PAX2: variants seen among roughly 807,000 people sequenced by gnomAD.
The protein encoded by PAX2 is paired box 2.
A neutral mutation model predicts 41.7 loss-of-function variants in PAX2; 9 were observed. That is an observed-to-expected ratio of 0.22 (90% CI 0.13 to 0.38). The LOEUF is 0.38. Ranked by LOEUF, PAX2 falls within the 10% of genes least tolerant of loss-of-function variation. The pLI, the probability that PAX2 is intolerant of heterozygous loss-of-function variation, is 1.00. For missense variants in PAX2, 418 were observed against 531.6 expected, an observed-to-expected ratio of 0.79 and a Z score of 2.10; for synonymous variants, 221 against 212.7, an observed-to-expected ratio of 1.04 and a Z score of -0.34.
At chr10:100,785,799 G>A (rs887466826) in intron 5 of PAX2, among the ~76,000 whole-genome samples, 1 of 152,196 alleles carries the variant, frequency 6.6e-6, no homozygotes, top group Non-Finnish European at 1.5e-5. Context: ...CCCTAGAGCA[G>A]GGCATGGATG....
At chr10:100,754,885 G>A (rs2133845266) in intron 3 of PAX2, among the ~76,000 whole-genome samples, 1 of 152,306 alleles carries the variant, frequency 6.6e-6, no homozygotes, top group Non-Finnish European at 1.5e-5. Flanking sequence ...CTGTTTGGTG[G>A]TCAGGGCTGT....
chr10:100,767,283 G>T (rs1463202351), intron 3 of PAX2, among the ~76,000 whole-genome samples: 2 of 152,184 alleles, frequency 1.3e-5, no homozygotes, highest in Non-Finnish European at 2.9e-5. Flanking sequence ...GCACGATGCA[G>T]CCTGCCAGAA....
intron 1 of PAX2, among the ~76,000 whole-genome samples, chr10:100,736,670 T>G (rs541721448): frequency 6.6e-6 from 1 of 151,760 alleles, no homozygotes; most frequent in African/African-American, 2.4e-5. Context: ...TTGATCTAGC[T>G]TCTCGACCCA....
At chr10:100,810,021 T>C (rs1199253599) in intron 7 of PAX2, among the ~76,000 whole-genome samples, 1 of 152,020 alleles carries the variant, frequency 6.6e-6, no homozygotes, top group East Asian at 1.9e-4. Context: ...GAGACACGCA[T>C]TGAGGTGTTA....
chr10:100,738,978 TC>T (rs1844857847), intron 1 of PAX2, among the ~76,000 whole-genome samples: 1 of 150,270 alleles, frequency 6.7e-6, no homozygotes, highest in South Asian at 2.1e-4. Flanking sequence ...CTTCCCCCTT[TC>T]CCCGAGGGCC....
At chr10:100,788,185 A>C (rs1846949038) in intron 5 of PAX2, among the ~76,000 whole-genome samples, 1 of 152,230 alleles carries the variant, frequency 6.6e-6, no homozygotes, top group African/African-American at 2.4e-5. Context: ...CTTTACTGCT[A>C]GTCTGTGCTG....
At position 100,786,932 on chromosome 10, in the gene PAX2, A is replaced by T. The variant is rs370441203; in HGVS notation, c.616+5567A>T. On this transcript the variant is annotated intron_variant, in intron 5 of 9. Coordinates refer to ENST00000355243, the MANE Select transcript of PAX2 (RefSeq NM_000278.5). The stretch of plus-strand genomic sequence containing the variant: ...ATCTCTCAGTGTTTGTCTGTCTCTT[A>T]TTTGCTCTAGTTGAGGTATACACTG... 2.2e-6 allele frequency: 3 copies of T among 1,377,250 alleles called. No homozygotes were observed. In the African/African-American group the frequency reaches 4.4e-5, roughly 20 times the overall value. 85.3% of individuals were successfully genotyped at this position (1,377,250 alleles called of 1,614,324 possible).
intron 1 of PAX2, chr10:100,749,055 A>G (rs562980888): frequency 1.0e-6 from 1 of 985,432 alleles, no homozygotes; most frequent in African/African-American, 1.7e-5. Flanking sequence ...TCCTTGCTCT[A>G]CTTCAGATAC....
chr10:100,758,930 C>T (rs764730682), intron 3 of PAX2, among the ~76,000 whole-genome samples: 3 of 152,078 alleles, frequency 2.0e-5, no homozygotes, highest in South Asian at 2.1e-4. Context: ...TCCCTATAGC[C>T]GGAGGAGGAG....
chr10:100,797,567 G>A (rs1184669967), intron 5 of PAX2, among the ~76,000 whole-genome samples: 1 of 152,208 alleles, frequency 6.6e-6, no homozygotes, highest in Non-Finnish European at 1.5e-5. Flanking sequence ...AATGTTAGTT[G>A]CTGTTATTGT....
rs1848616484 is a variant in PAX2, at chr10:100,827,488, TG to T, written c.1109-54del. On this transcript the variant is annotated intron_variant, in intron 9 of 9. Transcript: ENST00000355243. This position sits in a 1 kb window ranked among gnomAD's most constrained non-coding sequence, Gnocchi z 8.5. ...TTTTCTGTGCTTTTCTTTCCTTTTTTGTTCTCCTGTTTGTCCTCTCACCCAG... is the reference window on the plus strand; with the variant it reads ...TTTTCTGTGCTTTTCTTTCCTTTTTTTTCTCCTGTTTGTCCTCTCACCCAG... 1 of 1,565,074 alleles carries T rather than the reference TG, an allele frequency of 6.4e-7. No homozygotes were observed. Among genetic ancestry groups the T allele is most frequent in the Non-Finnish European group, 8.8e-7 (1 of 1,135,578 alleles).
chr10:100,798,460 G>C (rs1847417292), intron 5 of PAX2, among the ~76,000 whole-genome samples: 1 of 152,028 alleles, frequency 6.6e-6, no homozygotes, highest in Non-Finnish European at 1.5e-5. Flanking sequence ...ACTGTGGCCA[G>C]GCCAGACTCA....
At chr10:100,770,943 C>T (rs1175498592) in intron 3 of PAX2, among the ~76,000 whole-genome samples, 1 of 152,276 alleles carries the variant, frequency 6.6e-6, no homozygotes, top group Admixed American at 6.5e-5. Flanking sequence ...CCAAGGATCC[C>T]CTTGAGAAAC....
intron 3 of PAX2, among the ~76,000 whole-genome samples, chr10:100,754,460 A>T (rs1845559490): frequency 6.6e-6 from 1 of 152,072 alleles, no homozygotes; most frequent in Non-Finnish European, 1.5e-5. Context: ...TCAACTTCTC[A>T]CGGATCTCCC....
At chr10:100,749,350 G>T in intron 1 of PAX2, 1 of 1,018,502 alleles carries the variant, frequency 9.8e-7, no homozygotes, top group East Asian at 8.9e-5. Context: ...GGCGCAGGCG[G>T]GATGCTGCTT....
intron 4 of PAX2, among the ~76,000 whole-genome samples, chr10:100,781,045 A>G (rs1846600690): frequency 6.6e-6 from 1 of 152,182 alleles, no homozygotes; most frequent in Admixed American, 6.5e-5. Flanking sequence ...GGCTGGACAG[A>G]AGTGAATAAT....
intron 5 of PAX2, among the ~76,000 whole-genome samples, chr10:100,785,259 G>A (rs748268743): frequency 3.3e-5 from 5 of 152,188 alleles, no homozygotes; most frequent in Non-Finnish European, 7.3e-5. Flanking sequence ...CTTTCGGCTG[G>A]GGCCCAAAAC....
chr10:100,775,043 G>C (rs1466102508), intron 3 of PAX2, among the ~76,000 whole-genome samples: 1 of 151,756 alleles, frequency 6.6e-6, no homozygotes, highest in Non-Finnish European at 1.5e-5. Context: ...CACCCTGGCA[G>C]GGCAGTCTCT....
rs538500288 is a variant in PAX2, at chr10:100,746,039, G to A, written c.-222G>A. 2,834 of 1,447,074 alleles carry A rather than the reference G, an allele frequency of 2.0e-3. 7 individuals carry two copies. Among genetic ancestry groups the A allele is most frequent in the Non-Finnish European group, 2.3e-3 (2,498 of 1,107,738 alleles). 89.6% of individuals were successfully genotyped at this position (1,447,074 alleles called of 1,614,324 possible). A position where few individuals can be genotyped will look rare whatever the true frequency, so the allele number is the denominator to read the frequency against. ...CCGCCCAGCCCCGAGCCCCGACAGTGGCAAGTTGCGGCTACTGCAGTTGCA... is the reference window on the plus strand; with the variant it reads ...CCGCCCAGCCCCGAGCCCCGACAGTAGCAAGTTGCGGCTACTGCAGTTGCA... On this transcript the variant is annotated 5_prime_UTR_variant, in exon 1 of 10. Coordinates refer to ENST00000355243, the MANE Select transcript of PAX2 (RefSeq NM_000278.5).
Sources: gnomAD v4.1 joint callset for allele counts (sites outside exome capture counted in the v4.1 genomes callset) on GRCh38, gnomAD v4.1.1 for gene constraint, Gnocchi (gnomAD v3.1) non-coding constraint, MANE v1.5 for transcripts, NCBI Gene and HGNC (gene_info 2026-07-23, HGNC 2026-07-21) for gene names.